The following ZBBX variants were observed in gnomAD, a reference collection of about 807,000 sequenced individuals.
ZBBX encodes the protein zinc finger B-box domain containing.
Under a neutral mutation model 108.5 loss-of-function variants are expected in ZBBX, and 101 were observed. The ratio of observed to expected loss-of-function variants is 0.93; its 90% CI spans 0.79 to 1.10. The LOEUF is 1.10. Ranked by LOEUF, ZBBX falls within the 50% of genes least tolerant of loss-of-function variation. The pLI is 0.00. For missense variants in ZBBX, 1,009 were observed against 941.4 expected (o/e 1.07, Z -0.94); for synonymous variants, 356 against 323.4 (o/e 1.10, Z -1.08).
chr3:167,325,948 G>C (rs556811275), intron 11 of ZBBX, among the ~76,000 whole-genome samples: 1 of 152,104 alleles, frequency 6.6e-6, no homozygotes, highest in South Asian at 2.1e-4. Flanking sequence ...CACTCTACCA[G>C]TGAGAGTACA....
intron 17 of ZBBX, among the ~76,000 whole-genome samples, chr3:167,302,408 A>G (rs1241531119): frequency 6.6e-6 from 1 of 152,172 alleles, no homozygotes; most frequent in Non-Finnish European, 1.5e-5. Context: ...TATCATGTAC[A>G]TAATGGTCCC....
In ZBBX at chr3:167,252,102, T is replaced by A. The variant is rs1167150677; in HGVS notation, c.2255-9459A>T. 3.2e-6 allele frequency: 4 copies of A among 1,266,776 alleles called. No individual in the cohort carries two copies. The African/African-American group carries it at 6.1e-5, about 19-fold the overall frequency. The allele number at this position is 1,266,776 out of a possible 1,614,324, so 78.5% of individuals were successfully genotyped here. On this transcript the variant is annotated intron_variant, in intron 20 of 21. Transcript: ENST00000675490. The stretch of plus-strand genomic sequence containing the variant: ...CAGTCTGATATCAGCCACAGCAATT[T>A]GAATCAAAGGAGAAACTGTTTACCT...
intron 10 of ZBBX, 27 bp from the exon 11 acceptor site, chr3:167,328,143 T>C: frequency 6.4e-7 from 1 of 1,570,286 alleles, no homozygotes; most frequent in Non-Finnish European, 8.6e-7. Flanking sequence ...ATAGGCATGC[T>C]TTATTAAATT....
At chr3:167,247,028 G>A (rs984588800) in intron 20 of ZBBX, among the ~76,000 whole-genome samples, 5 of 152,162 alleles carry the variant, frequency 3.3e-5, no homozygotes, top group African/African-American at 1.2e-4. Flanking sequence ...ATAGAGAAAG[G>A]CAGGTCCCTG....
chr3:167,396,204 C>T (rs890523952), intron 1 of ZBBX, among the ~76,000 whole-genome samples: 1 of 152,116 alleles, frequency 6.6e-6, no homozygotes, highest in South Asian at 2.1e-4. Flanking sequence ...TACAGTCTTG[C>T]AGTGGAGCTG....
downstream of ZBBX, among the ~76,000 whole-genome samples, chr3:167,239,320 C>T (rs1312267813): frequency 1.3e-5 from 2 of 152,064 alleles, no homozygotes; most frequent in East Asian, 1.9e-4. Context: ...AAAATACTCT[C>T]ACAGAAACAT....
chr3:167,367,379 T>C (rs982295266), intron 5 of ZBBX, among the ~76,000 whole-genome samples: 8 of 151,876 alleles, frequency 5.3e-5, no homozygotes, highest in African/African-American at 1.9e-4. Context: ...CATGGCAGCA[T>C]TTATAATCAT....
At chr3:167,243,587 G>A (rs953229557) in intron 20 of ZBBX, among the ~76,000 whole-genome samples, 9 of 151,758 alleles carry the variant, frequency 5.9e-5, no homozygotes, top group Admixed American at 2.6e-4. Context: ...TAGTAGAGAC[G>A]GGGTTTCTCC....
At chr3:167,304,665 TA>T (rs893308090) in intron 17 of ZBBX, among the ~76,000 whole-genome samples, 1 of 152,170 alleles carries the variant, frequency 6.6e-6, no homozygotes, top group Admixed American at 6.6e-5. Flanking sequence ...AAACCTATGC[TA>T]AATGAAAGCC....
intron 8 of ZBBX, among the ~76,000 whole-genome samples, chr3:167,358,935 C>CAAAAAAAAAAAA: frequency 1.5e-5 from 1 of 66,228 alleles, no homozygotes; most frequent in Non-Finnish European, 2.6e-5. Context: ...GACTCCATCT[C>CAAAAAAAAAAAA]AAAAAAAAAA....
the ZBBX span, among the ~76,000 whole-genome samples, chr3:167,199,587 A>G: frequency 6.6e-6 from 1 of 152,210 alleles, no homozygotes; most frequent in African/African-American, 2.4e-5. Context: ...GTCTTGTTAC[A>G]TACACATGGT....
intron 1 of ZBBX, among the ~76,000 whole-genome samples, chr3:167,388,382 G>A (rs80316121): frequency 0.036 from 5,453 of 151,900 alleles, 339 homozygotes; most frequent in African/African-American, 0.13. Context: ...AGGGAGTTAC[G>A]AACAGGCTTT....
the ZBBX span, among the ~76,000 whole-genome samples, chr3:167,232,104 C>A: frequency 6.6e-6 from 1 of 151,648 alleles, no homozygotes; most frequent in East Asian, 1.9e-4. Context: ...TACTTTAATT[C>A]ATGAAAAGAT....
upstream of ZBBX, among the ~76,000 whole-genome samples, chr3:167,385,207 G>A (rs1274371641): frequency 6.6e-6 from 1 of 151,910 alleles, no homozygotes; most frequent in Non-Finnish European, 1.5e-5. Context: ...TAGGCTATTT[G>A]GTATAGCCTA....
intron 1 of ZBBX, among the ~76,000 whole-genome samples, chr3:167,402,386 A>T (rs530104738): frequency 4.6e-5 from 7 of 152,196 alleles, no homozygotes; most frequent in Non-Finnish European, 1.0e-4. Context: ...GCTTCATCTC[A>T]GTCCCAGATA....
At chr3:167,286,272 T>G (rs965675439) in intron 19 of ZBBX, among the ~76,000 whole-genome samples, 1 of 152,270 alleles carries the variant, frequency 6.6e-6, no homozygotes, top group South Asian at 2.1e-4. Flanking sequence ...TAGGAGAAGA[T>G]GCAGTTAGGA....
At chr3:167,336,756 A>G (rs1007084840) in intron 9 of ZBBX, among the ~76,000 whole-genome samples, 2 of 152,210 alleles carry the variant, frequency 1.3e-5, no homozygotes, top group African/African-American at 2.4e-5. Flanking sequence ...CTTTGCTTTA[A>G]AAACTCACAA....
intron 9 of ZBBX, among the ~76,000 whole-genome samples, chr3:167,337,079 G>A (rs898301861): frequency 1.3e-5 from 2 of 152,044 alleles, no homozygotes; most frequent in Non-Finnish European, 2.9e-5. Context: ...GTGTGACTTC[G>A]GCTAACTTAC....
chr3:167,301,091 G>A (rs1732589629), intron 17 of ZBBX, among the ~76,000 whole-genome samples: 1 of 151,988 alleles, frequency 6.6e-6, no homozygotes, highest in African/African-American at 2.4e-5. Flanking sequence ...ATCACCCTCT[G>A]ATAAGCCCCA....
Sources: gnomAD v4.1 joint callset for allele counts (sites outside exome capture counted in the v4.1 genomes callset) on GRCh38, gnomAD v4.1.1 for gene constraint, MANE v1.5 for transcripts, NCBI Gene and HGNC (gene_info 2026-07-23, HGNC 2026-07-21) for gene names.